CCDC178: variants seen among roughly 807,000 people sequenced by gnomAD.
CCDC178 encodes coiled-coil domain-containing protein 178.
A neutral mutation model predicts 117.4 loss-of-function variants in CCDC178; 126 were observed. The ratio of observed to expected loss-of-function variants is 1.07; its 90% CI spans 0.93 to 1.24. The LOEUF (loss-of-function observed/expected upper bound fraction) is 1.24, where lower values mean the gene tolerates loss of function less well. CCDC178 is among the 50% of genes most tolerant of loss of function. The pLI, the probability that CCDC178 is intolerant of heterozygous loss-of-function variation, is 0.00. For missense variants in CCDC178, 1,030 were observed against 986.9 expected, an observed-to-expected ratio of 1.04 and a Z score of -0.59; for synonymous variants, 283 against 313.4, an observed-to-expected ratio of 0.90 and a Z score of 1.02.
At chr18:33,009,041 T>C (rs1453112905) in intron 21 of CCDC178, among the ~76,000 whole-genome samples, 1 of 152,092 alleles carries the variant, frequency 6.6e-6, no homozygotes, top group African/African-American at 2.4e-5. Flanking sequence ...CAAATCATCC[T>C]GGTATCATTC....
chr18:33,074,286 A>C (rs2057165169), intron 21 of CCDC178, among the ~76,000 whole-genome samples: 1 of 152,150 alleles, frequency 6.6e-6, no homozygotes, highest in Non-Finnish European at 1.5e-5. Context: ...AACTGAACAC[A>C]GATTAAGAAA....
chr18:33,310,308 C>A (rs544501646), intron 11 of CCDC178, among the ~76,000 whole-genome samples: 1 of 152,138 alleles, frequency 6.6e-6, no homozygotes, highest in South Asian at 2.1e-4. Flanking sequence ...AAGGTCCACA[C>A]GTGTAGATGG....
intron 20 of CCDC178, among the ~76,000 whole-genome samples, chr18:33,192,837 A>C (rs1320243066): frequency 2.1e-5 from 3 of 143,208 alleles, no homozygotes; most frequent in African/African-American, 5.2e-5. Flanking sequence ...GGAGGCGGAG[A>C]TTGCAGTGAG....
At chr18:33,094,780 G>A (rs1003715599) in intron 20 of CCDC178, among the ~76,000 whole-genome samples, 3 of 151,874 alleles carry the variant, frequency 2.0e-5, no homozygotes, top group Non-Finnish European at 2.9e-5. Context: ...TGCCAAAAAA[G>A]CAAATTGTGT....
chr18:33,366,803 G>T (rs564797802), intron 6 of CCDC178, among the ~76,000 whole-genome samples: 8 of 152,074 alleles, frequency 5.3e-5, no homozygotes, highest in African/African-American at 1.7e-4. Context: ...TGGTCCTGTT[G>T]TTCTCCCAGC....
At chr18:33,200,397 G>A (rs1028313399) in intron 20 of CCDC178, among the ~76,000 whole-genome samples, 3 of 152,192 alleles carry the variant, frequency 2.0e-5, no homozygotes, top group African/African-American at 4.8e-5. Flanking sequence ...AAACATCTGC[G>A]AAGTTTAGTG....
At chr18:33,394,535 A>G (rs2063605775) in intron 4 of CCDC178, among the ~76,000 whole-genome samples, 1 of 151,922 alleles carries the variant, frequency 6.6e-6, no homozygotes, top group African/African-American at 2.4e-5. Context: ...CACTCAAATA[A>G]CATATTACTT....
intron 18 of CCDC178, among the ~76,000 whole-genome samples, chr18:33,216,464 G>T (rs1479238038): frequency 6.6e-6 from 1 of 152,056 alleles, no homozygotes; most frequent in Non-Finnish European, 1.5e-5. Context: ...GGAACTGAGT[G>T]ACTCACTGAT....
intron 20 of CCDC178, among the ~76,000 whole-genome samples, chr18:33,199,912 A>G (rs1344518325): frequency 6.6e-6 from 1 of 152,144 alleles, no homozygotes; most frequent in Non-Finnish European, 1.5e-5. Context: ...CTCAATTTAT[A>G]GTTTCTGGTT....
chr18:33,364,848 C>T (rs562877566), intron 6 of CCDC178, among the ~76,000 whole-genome samples: 8 of 147,420 alleles, frequency 5.4e-5, no homozygotes, highest in African/African-American at 2.0e-4. Context: ...TTTCAATTGA[C>T]AAACAATAAT....
At chr18:33,251,567 G>A (rs1014280851) in intron 14 of CCDC178, among the ~76,000 whole-genome samples, 6 of 151,626 alleles carry the variant, frequency 4.0e-5, no homozygotes. Context: ...CCCTTACAAA[G>A]TCCTTCGAGT....
At chr18:33,068,956 A>G (rs1200537555) in intron 21 of CCDC178, among the ~76,000 whole-genome samples, 1 of 152,180 alleles carries the variant, frequency 6.6e-6, no homozygotes, top group Non-Finnish European at 1.5e-5. Context: ...GAACTAATAA[A>G]TGAACTCAGT....
At chr18:33,417,535 TAC>T (rs60345049) in intron 2 of CCDC178, among the ~76,000 whole-genome samples, 29,583 of 148,166 alleles carry the variant, frequency 0.2, 3,139 homozygotes, top group African/African-American at 0.27. Context: ...CAGAGCTGTA[TAC>T]ACACACACAC....
chr18:33,164,773 G>A (rs749987737), intron 20 of CCDC178, among the ~76,000 whole-genome samples: 10 of 152,048 alleles, frequency 6.6e-5, no homozygotes, highest in Admixed American at 2.0e-4. Context: ...ATATGTAGCC[G>A]GAAATGGGAG....
chr18:33,181,042 T>G (rs1198287593), intron 20 of CCDC178, among the ~76,000 whole-genome samples: 1 of 152,042 alleles, frequency 6.6e-6, no homozygotes, highest in Admixed American at 6.6e-5. Flanking sequence ...TTCAGCGAAT[T>G]TCCTTGTAAG....
chr18:33,115,667 G>C (rs184628394), intron 20 of CCDC178, among the ~76,000 whole-genome samples: 5 of 151,714 alleles, frequency 3.3e-5, no homozygotes, highest in African/African-American at 1.2e-4. Context: ...CACCTCCCCC[G>C]CCGCCGCCCT....
In CCDC178 at chr18:33,188,260, T is replaced by C. The variant is rs150825976; in HGVS notation, c.2238+23636A>G. Among the ~76,000 whole-genome samples, 31 of 152,214 alleles carry C rather than the reference T, an allele frequency of 2.0e-4. 1 individual carries two copies. The East Asian group carries it at 6.0e-3, about 29-fold the overall frequency. The stretch of plus-strand genomic sequence containing the variant: ...CTAAATCAGCAATCAGTATAGGGTC[T>C]GTGGTTTGTGGTTATGGTACTCAAA... On this transcript the variant is annotated intron_variant, in intron 20 of 22. Coordinates refer to ENST00000383096, the MANE Select transcript of CCDC178 (RefSeq NM_001105528.4).
intron 18 of CCDC178, among the ~76,000 whole-genome samples, chr18:33,219,802 C>T (rs573225173): frequency 6.6e-6 from 1 of 152,058 alleles, no homozygotes; most frequent in South Asian, 2.1e-4. Flanking sequence ...GGAGGGATAG[C>T]ATTAGGAGAT....
chr18:33,389,601 T>C lies in CCDC178; in HGVS notation c.147A>G (p.Leu49=), dbSNP rs2063540246. Residue 49 remains leucine (L), a synonymous_variant, in exon 5 of 23, where the codon CTA becomes CTG. Transcript: ENST00000383096. ...EGNAMSQSLV[L]YGASKENSEG... ...CACTGTTCTCCTTAGAGGCTCCATA[T>C]AGAACCAAACTTTGAGACATGGCAT... 6.6e-7 allele frequency: 1 copy of C among 1,519,896 alleles called. No homozygotes were observed. The highest frequency in any genetic ancestry group is 8.8e-7 in the Non-Finnish European group (1 of 1,136,804). 94.2% of individuals were successfully genotyped at this position (1,519,896 alleles called of 1,614,324 possible).
Sources: allele counts gnomAD v4.1 joint callset (sites outside exome capture counted in the v4.1 genomes callset), GRCh38; gene constraint gnomAD v4.1.1; transcripts MANE v1.5; gene names NCBI Gene and HGNC (gene_info 2026-07-23, HGNC 2026-07-21).